GPC6: variants seen among roughly 807,000 people sequenced by gnomAD.
The protein encoded by GPC6 is glypican 6.
A neutral mutation model predicts 55.2 loss-of-function variants in GPC6; 14 were observed. The ratio of observed to expected loss-of-function variants is 0.25; its 90% confidence interval spans 0.17 to 0.40. The LOEUF is 0.40. GPC6 is among the 10% of genes least tolerant of loss of function. The pLI is 1.00. For synonymous variants in GPC6, 278 were observed against 259.6 expected (o/e 1.07, Z -0.68); for missense variants, 641 against 708.5 (o/e 0.90, Z 1.08).
At chr13:93,603,575 G>A (rs1455690618) in intron 2 of GPC6, among the ~76,000 whole-genome samples, 1 of 152,156 alleles carries the variant, frequency 6.6e-6, no homozygotes, top group Admixed American at 6.5e-5. Flanking sequence ...TTTTTCTGAG[G>A]TCACACATCA....
At chr13:93,393,663 T>G (rs939523726) in intron 1 of GPC6, among the ~76,000 whole-genome samples, 4 of 152,102 alleles carry the variant, frequency 2.6e-5, no homozygotes, top group African/African-American at 9.7e-5. Flanking sequence ...TTTTTTCTTT[T>G]TTGTTTTTGC....
intron 1 of GPC6, among the ~76,000 whole-genome samples, chr13:93,391,431 A>C (rs1245154974): frequency 6.6e-6 from 1 of 152,122 alleles, no homozygotes; most frequent in East Asian, 1.9e-4. Flanking sequence ...GTCACTGGAG[A>C]AAGGCCATAT....
chr13:93,270,867 A>C (rs562518727), intron 1 of GPC6, among the ~76,000 whole-genome samples: 1 of 152,286 alleles, frequency 6.6e-6, no homozygotes, highest in African/African-American at 2.4e-5. Flanking sequence ...AAGACAGATA[A>C]ATGGAGATTA....
intron 3 of GPC6, among the ~76,000 whole-genome samples, chr13:93,976,634 A>G (rs570642271): frequency 4.6e-5 from 7 of 151,186 alleles, no homozygotes; most frequent in African/African-American, 1.7e-4. Context: ...CTGCAATTTA[A>G]GAAGCGATCT....
intron 4 of GPC6, among the ~76,000 whole-genome samples, chr13:94,182,753 A>T (rs1055177215): frequency 1.3e-5 from 2 of 152,136 alleles, no homozygotes; most frequent in East Asian, 1.9e-4. Flanking sequence ...ATATTTAATA[A>T]TATTTTCCAT....
chr13:94,089,925 C>T (rs1336989287), intron 4 of GPC6, among the ~76,000 whole-genome samples: 1 of 152,058 alleles, frequency 6.6e-6, no homozygotes, highest in Non-Finnish European at 1.5e-5. Context: ...TTAGGTATAC[C>T]TCAAGACCAG....
chr13:93,609,888 A>G (rs540450833), intron 2 of GPC6, among the ~76,000 whole-genome samples: 2 of 152,278 alleles, frequency 1.3e-5, no homozygotes, highest in African/African-American at 4.8e-5. Context: ...CTGTCTTATG[A>G]TAAAGCAACC....
At chr13:93,629,222 T>C (rs1490818393) in intron 2 of GPC6, among the ~76,000 whole-genome samples, 3 of 152,110 alleles carry the variant, frequency 2.0e-5, no homozygotes, top group Non-Finnish European at 4.4e-5. Flanking sequence ...CTGGTAAATA[T>C]ATTGAAAATT....
At position 93,751,696 on chromosome 13, in the gene GPC6, AT is replaced by A. The variant is rs1182090563; in HGVS notation, c.320-78448del. Among the ~76,000 whole-genome samples the A allele has an allele frequency of 1.3e-4, 20 of 148,392 alleles. No individual in the cohort carries two copies. The East Asian group carries it at 1.6e-3, about 12-fold the overall frequency. On this transcript the variant is annotated intron_variant, in intron 2 of 8. Transcript: ENST00000377047. ...ACCACCATGCCTGGCTAATTTTTAA[AT>A]TTTTTTTTTGTAGAAATGCGGTCTC...
intron 3 of GPC6, among the ~76,000 whole-genome samples, chr13:93,850,565 G>A (rs567206332): frequency 6.2e-4 from 94 of 151,866 alleles, no homozygotes; most frequent in African/African-American, 2.2e-3. Context: ...TAGTCACAAG[G>A]TATATGCAAC....
chr13:93,596,746 G>A (rs947236097), intron 2 of GPC6, among the ~76,000 whole-genome samples: 1 of 147,438 alleles, frequency 6.8e-6, no homozygotes, highest in East Asian at 2.0e-4. Context: ...ATATATATAT[G>A]TGTATATATG....
In GPC6 at chr13:93,310,998, G is replaced by A. The variant is rs547537438; in HGVS notation, c.160+83382G>A. ...AAAAAATATTGAGTAGGTAGCTTAC[G>A]TTATCTAAGAATATCCTTTCTGATA... is the stretch of plus-strand genomic sequence containing the variant. On this transcript the variant is annotated intron_variant, in intron 1 of 8. Transcript: ENST00000377047. Among the ~76,000 whole-genome samples, 5 of 152,218 alleles carry A rather than the reference G, an allele frequency of 3.3e-5. No homozygotes were observed. The South Asian group carries it at 8.3e-4, about 25-fold the overall frequency.
rs1374359750 is a variant in GPC6, at chr13:94,179,212, C to G, written c.878-107137C>G. 2.0e-5 allele frequency among the ~76,000 whole-genome samples: 3 copies of G among 152,284 alleles called. No homozygotes were observed. The East Asian group carries it at 5.8e-4, about 29-fold the overall frequency. ...AGTGAGAAGTAGGTTTTAAAGCCAACCAAGGTTCTACTATTGACATCCTTC... is the reference window on the plus strand; with the variant it reads ...AGTGAGAAGTAGGTTTTAAAGCCAAGCAAGGTTCTACTATTGACATCCTTC... On this transcript the variant is annotated intron_variant, in intron 4 of 8. Coordinates refer to ENST00000377047, the MANE Select transcript of GPC6 (RefSeq NM_005708.5).
At position 93,911,405 on chromosome 13, in the gene GPC6, A is replaced by ACT. The variant is rs1325315508; in HGVS notation, c.711+80861_711+80862dup. The stretch of plus-strand genomic sequence containing the variant: ...TAACTACCATGAATAAAGATAATTG[A>ACT]CTGTGTGTGTGTGTGTGTGTGTGTG... On this transcript the variant is annotated intron_variant, in intron 3 of 8. Transcript: ENST00000377047. Among the ~76,000 whole-genome samples the ACT allele has an allele frequency of 7.0e-5, 6 of 86,100 alleles. No homozygotes were observed. In the East Asian group the frequency reaches 2.3e-3, roughly 32 times the overall value. 56.5% of individuals were successfully genotyped at this position (86,100 alleles called of 152,430 possible).
At chr13:93,381,924 A>G (rs61965693) in intron 1 of GPC6, among the ~76,000 whole-genome samples, 51,697 of 151,998 alleles carry the variant, frequency 0.34, 11,302 homozygotes, top group Non-Finnish European at 0.5. Flanking sequence ...CATTTAAAGT[A>G]TGTTACTTTT....
chr13:93,939,425 A>G (rs368885057), intron 3 of GPC6, among the ~76,000 whole-genome samples: 1 of 149,762 alleles, frequency 6.7e-6, no homozygotes. Flanking sequence ...CTCAAATAAT[A>G]ATAATAATAA....
At chr13:93,419,998 C>T (rs115748739) in intron 1 of GPC6, among the ~76,000 whole-genome samples, 1,592 of 152,098 alleles carry the variant, frequency 0.01, 22 homozygotes, top group African/African-American at 0.035. Flanking sequence ...GTAACAGGCT[C>T]ATTGCATAAT....
chr13:93,403,065 T>C (rs1383200466), intron 1 of GPC6, among the ~76,000 whole-genome samples: 1 of 152,142 alleles, frequency 6.6e-6, no homozygotes, highest in Non-Finnish European at 1.5e-5. Flanking sequence ...TCAATGTCAA[T>C]AAAAATAAGG....
intron 3 of GPC6, among the ~76,000 whole-genome samples, chr13:93,994,143 A>T (rs1881434177): frequency 6.6e-6 from 1 of 152,160 alleles, no homozygotes; most frequent in South Asian, 2.1e-4. Flanking sequence ...AATAAATTAT[A>T]ATTTTTTCAC....
Sources: allele counts gnomAD v4.1 joint callset (sites outside exome capture counted in the v4.1 genomes callset), GRCh38; gene constraint gnomAD v4.1.1; transcripts MANE v1.5; gene names NCBI Gene and HGNC (gene_info 2026-07-23, HGNC 2026-07-21).